The following PTPRG variants were observed in gnomAD, a reference collection of about 807,000 sequenced individuals.
PTPRG encodes the protein protein tyrosine phosphatase receptor type G.
PTPRG carries 102 observed loss-of-function variants against 165.3 expected under a neutral mutation model. The ratio of observed to expected loss-of-function variants is 0.62; its 90% CI spans 0.53 to 0.73. The LOEUF is 0.73. Among genes scored for constraint, PTPRG ranks in the 30% least tolerant of loss-of-function variants. The probability of loss-of-function intolerance (pLI) is 0.00; values close to 1 mark genes in which losing one functional copy is unlikely to be tolerated. For missense variants in PTPRG, 1,866 were observed against 1,861.4 expected (o/e 1.00, Z -0.05); for synonymous variants, 675 against 669.5 (o/e 1.01, Z -0.13).
At chr3:61,892,184 A>G (rs1035197563) in intron 2 of PTPRG, among the ~76,000 whole-genome samples, 2 of 152,186 alleles carry the variant, frequency 1.3e-5, no homozygotes, top group South Asian at 2.1e-4. Context: ...CCATTCAACT[A>G]GTTCAAGTAG....
intron 2 of PTPRG, among the ~76,000 whole-genome samples, chr3:61,931,741 A>C (rs1453026270): frequency 6.6e-6 from 1 of 152,194 alleles, no homozygotes; most frequent in Non-Finnish European, 1.5e-5. Flanking sequence ...CCCTCAAAAC[A>C]AAAACAAAAA....
chr3:61,952,028 G>A (rs1173750741), intron 2 of PTPRG, among the ~76,000 whole-genome samples: 1 of 148,152 alleles, frequency 6.7e-6, no homozygotes, highest in Non-Finnish European at 1.5e-5. Flanking sequence ...TGAGGCAGGA[G>A]AATCACTTGA....
intron 2 of PTPRG, among the ~76,000 whole-genome samples, chr3:61,852,488 C>T (rs1278956276): frequency 6.6e-6 from 1 of 152,126 alleles, no homozygotes; most frequent in African/African-American, 2.4e-5. Flanking sequence ...ATTTTCTTAC[C>T]TGAAGAGTTT....
intron 1 of PTPRG, among the ~76,000 whole-genome samples, chr3:61,734,402 T>A (rs1247304884): frequency 6.6e-6 from 1 of 152,210 alleles, no homozygotes; most frequent in African/African-American, 2.4e-5. Context: ...TTCTCTCACC[T>A]TTTCACTTAA....
chr3:61,755,357 A>C (rs1239652292), intron 2 of PTPRG, among the ~76,000 whole-genome samples: 1 of 152,182 alleles, frequency 6.6e-6, no homozygotes, highest in Non-Finnish European at 1.5e-5. Flanking sequence ...AGGAGGAATC[A>C]GCCTTGAGAG....
intron 1 of PTPRG, among the ~76,000 whole-genome samples, chr3:61,572,271 C>T (rs1413027133): frequency 1.3e-5 from 2 of 152,012 alleles, no homozygotes; most frequent in Non-Finnish European, 2.9e-5. Context: ...AAACATGAAA[C>T]CTTATTTCTT....
intron 1 of PTPRG, among the ~76,000 whole-genome samples, chr3:61,567,665 CAA>C (rs35299199): frequency 7.2e-5 from 8 of 111,472 alleles, no homozygotes; most frequent in Non-Finnish European, 1.0e-4. Context: ...GACCCTGTCT[CAA>C]AAAAAAAAAA....
intron 2 of PTPRG, among the ~76,000 whole-genome samples, chr3:61,941,808 A>G (rs946791241): frequency 3.9e-5 from 6 of 152,138 alleles, no homozygotes; most frequent in African/African-American, 1.4e-4. Context: ...TTGTTTATAA[A>G]GAAATATTTG....
intron 2 of PTPRG, among the ~76,000 whole-genome samples, chr3:61,953,502 G>A (rs146371744): frequency 1.3e-5 from 2 of 152,298 alleles, no homozygotes; most frequent in Admixed American, 6.5e-5. Context: ...CACTTCTAAA[G>A]GTTACCTACG....
intron 2 of PTPRG, among the ~76,000 whole-genome samples, chr3:61,804,244 A>G (rs2035341954): frequency 6.6e-6 from 1 of 152,188 alleles, no homozygotes; most frequent in Non-Finnish European, 1.5e-5. Flanking sequence ...GTTGTTTAAG[A>G]TTGATGGATA....
chr3:61,676,448 C>A (rs1263775269), intron 1 of PTPRG, among the ~76,000 whole-genome samples: 1 of 10,952 alleles, frequency 9.1e-5, no homozygotes, highest in African/African-American at 3.3e-4. Flanking sequence ...CAGAGCCAGA[C>A]TCCATCTCAA....
At chr3:61,716,800 A>G (rs2031828385) in intron 1 of PTPRG, among the ~76,000 whole-genome samples, 1 of 152,122 alleles carries the variant, frequency 6.6e-6, no homozygotes, top group Non-Finnish European at 1.5e-5. Flanking sequence ...GTGAAACCCC[A>G]TCTCTACTAA....
intron 4 of PTPRG, among the ~76,000 whole-genome samples, chr3:62,034,449 C>A (rs1271755750): frequency 6.6e-6 from 1 of 152,204 alleles, no homozygotes; most frequent in African/African-American, 2.4e-5. Flanking sequence ...GGTGTTGATG[C>A]AGTTCAGAAC....
intron 1 of PTPRG, among the ~76,000 whole-genome samples, chr3:61,621,852 C>G (rs767451440): frequency 6.6e-6 from 1 of 152,130 alleles, no homozygotes; most frequent in African/African-American, 2.4e-5. Flanking sequence ...AAGTGGAGAT[C>G]GTTGCTAATG....
chr3:61,565,317 G>A (rs73093091), intron 1 of PTPRG, among the ~76,000 whole-genome samples: 48,592 of 151,992 alleles, frequency 0.32, 8,409 homozygotes, highest in East Asian at 0.61. Flanking sequence ...TACCAAACAT[G>A]ATATTAGGCA....
intron 16 of PTPRG, among the ~76,000 whole-genome samples, chr3:62,260,073 A>G (rs1701648061): frequency 1.3e-5 from 2 of 152,212 alleles, no homozygotes; most frequent in Admixed American, 1.3e-4. Flanking sequence ...TGGAAGATGC[A>G]GTGTAACCAG....
At chr3:62,142,741 G>C (rs1304196511) in intron 6 of PTPRG, among the ~76,000 whole-genome samples, 1 of 152,166 alleles carries the variant, frequency 6.6e-6, no homozygotes, top group Non-Finnish European at 1.5e-5. Flanking sequence ...GTAACTCTGA[G>C]AGCAAATATC....
intron 13 of PTPRG, among the ~76,000 whole-genome samples, chr3:62,227,229 A>C (rs1360935607): frequency 6.6e-6 from 1 of 152,158 alleles, no homozygotes; most frequent in East Asian, 1.9e-4. Flanking sequence ...GCCCAGGCAC[A>C]TGTTCTTCAC....
Position 61,562,349 on chromosome 3 carries a change from T to C in PTPRG, c.62T>C (p.Leu21Pro), listed in dbSNP as rs746435697. 1.5e-5 allele frequency: 24 copies of C among 1,613,516 alleles called. No individual in the cohort carries two copies. The highest frequency in any genetic ancestry group is 2.7e-5 in the African/African-American group (2 of 74,904). The change falls in exon 1 of 30, where the codon CTC becomes CCC. Residue 21 changes from leucine to proline, a missense_variant. Coordinates refer to ENST00000474889, the MANE Select transcript of PTPRG (RefSeq NM_002841.4). ...TTCCTGAAAATCACCAGTTCCGTGC[T>C]CCATTATGTCGTGTGCTTCCCCGGT... The part of the protein sequence containing the change: ...ILFLKITSSV[L>P]HYVVCFPALT...
Sources: allele counts gnomAD v4.1 joint callset (sites outside exome capture counted in the v4.1 genomes callset), GRCh38; gene constraint gnomAD v4.1.1; transcripts MANE v1.5; gene names NCBI Gene and HGNC (gene_info 2026-07-23, HGNC 2026-07-21).